Variants in AHCYL2 observed in about 807,000 individuals in gnomAD.
AHCYL2 encodes the protein S-adenosylhomocysteine hydrolase-like protein 2.
Under a neutral mutation model 81.4 loss-of-function variants are expected in AHCYL2, and 28 were observed. The ratio of observed to expected loss-of-function variants is 0.34; its 90% CI spans 0.25 to 0.47. The LOEUF (loss-of-function observed/expected upper bound fraction) is 0.47. Ranked by LOEUF, AHCYL2 falls within the 20% of genes least tolerant of loss-of-function variation. The pLI is 1.00. For missense variants in AHCYL2, 551 were observed against 785.1 expected, an observed-to-expected ratio of 0.70 and a Z score of 3.56; for synonymous variants, 272 against 290.2, an observed-to-expected ratio of 0.94 and a Z score of 0.64.
intron 1 of AHCYL2, among the ~76,000 whole-genome samples, chr7:129,265,376 T>C (rs1300032062): frequency 1.3e-5 from 2 of 152,152 alleles, no homozygotes; most frequent in African/African-American, 4.8e-5. Context: ...TTAGGATGAC[T>C]AGAATCTGAG....
intron 1 of AHCYL2, among the ~76,000 whole-genome samples, chr7:129,236,315 C>T (rs1015169658): frequency 6.6e-6 from 1 of 152,018 alleles, no homozygotes; most frequent in African/African-American, 2.4e-5. Flanking sequence ...ATTCTCTTGC[C>T]TCAGCCTCCC....
intron 1 of AHCYL2, among the ~76,000 whole-genome samples, chr7:129,321,677 T>C (rs967478399): frequency 2.0e-5 from 3 of 151,736 alleles, no homozygotes; most frequent in African/African-American, 7.3e-5. Context: ...CCTTGTAGGA[T>C]GGGTTAGAAA....
chr7:129,338,092 A>G (rs1226183165), intron 1 of AHCYL2, among the ~76,000 whole-genome samples: 1 of 152,030 alleles, frequency 6.6e-6, no homozygotes, highest in East Asian at 1.9e-4. Context: ...TCATTATTTC[A>G]TACATGGGGA....
intron 1 of AHCYL2, among the ~76,000 whole-genome samples, chr7:129,279,742 A>G (rs1284286208): frequency 6.6e-6 from 1 of 152,212 alleles, no homozygotes; most frequent in Non-Finnish European, 1.5e-5. Flanking sequence ...TTGCAGGAAA[A>G]GGGGAGGCAT....
chr7:129,252,597 C>T (rs1388700797), intron 1 of AHCYL2, among the ~76,000 whole-genome samples: 1 of 152,126 alleles, frequency 6.6e-6, no homozygotes, highest in Non-Finnish European at 1.5e-5. Context: ...TGAGACCCTA[C>T]CTTTCCAAAA....
rs1436280037 is a variant in AHCYL2, at chr7:129,419,149, A to G, written c.1462-3691A>G. The stretch of plus-strand genomic sequence containing the variant: ...AAGAGTTGGTCATTTAGAAAGCTGC[A>G]TTTTTTTTCTGAGAAATATGAATGC... On this transcript the variant is annotated intron_variant, in intron 12 of 16. Coordinates refer to ENST00000325006, the MANE Select transcript of AHCYL2 (RefSeq NM_015328.4). This position sits in a 1 kb window ranked among gnomAD's most constrained non-coding sequence, Gnocchi z 4.7. 6.6e-6 allele frequency among the ~76,000 whole-genome samples: 1 copy of G among 152,050 alleles called. No individual in the cohort carries two copies. Among genetic ancestry groups the G allele is most frequent in the Non-Finnish European group, 1.5e-5 (1 of 68,014 alleles).
At chr7:129,242,521 G>T (rs1216708921) in intron 1 of AHCYL2, among the ~76,000 whole-genome samples, 2 of 152,032 alleles carry the variant, frequency 1.3e-5, no homozygotes, top group Non-Finnish European at 2.9e-5. Flanking sequence ...TTTGAGACCA[G>T]TCTGGCCAAT....
intron 5 of AHCYL2, among the ~76,000 whole-genome samples, chr7:129,397,672 T>C (rs145245638): frequency 4.7e-4 from 71 of 152,358 alleles, no homozygotes; most frequent in African/African-American, 1.6e-3. Context: ...GTTTTGTGAC[T>C]CTGTTGGTTT....
chr7:129,331,303 T>TA (rs1383602392), intron 1 of AHCYL2, among the ~76,000 whole-genome samples: 3 of 152,166 alleles, frequency 2.0e-5, no homozygotes, highest in African/African-American at 7.2e-5. Context: ...GAGTTCTACT[T>TA]ATAGGAATTT....
intron 1 of AHCYL2, among the ~76,000 whole-genome samples, chr7:129,233,482 T>G (rs185065460): frequency 1.3e-3 from 197 of 152,072 alleles, no homozygotes; most frequent in African/African-American, 4.7e-3. Flanking sequence ...TGGCCTACTG[T>G]CTCTATTTCT....
chr7:129,311,989 T>C (rs1797673197), intron 1 of AHCYL2, among the ~76,000 whole-genome samples: 1 of 152,206 alleles, frequency 6.6e-6, no homozygotes, highest in Non-Finnish European at 1.5e-5. Flanking sequence ...CTCTTTTTTT[T>C]CTTCTTCTTT....
At position 129,399,273 on chromosome 7, in the gene AHCYL2, C is replaced by A. The variant is rs138159137; in HGVS notation, c.824-1017C>A. 2.1e-3 allele frequency among the ~76,000 whole-genome samples: 316 copies of A among 151,448 alleles called. 1 individual carries two copies. Among genetic ancestry groups the A allele is most frequent in the African/African-American group, 7.3e-3 (302 of 41,264 alleles). On this transcript the variant is annotated intron_variant, in intron 5 of 16. Coordinates refer to ENST00000325006, the MANE Select transcript of AHCYL2 (RefSeq NM_015328.4). The stretch of plus-strand genomic sequence containing the variant: ...ACCAGCCTGGCCAATATGGTGAAAC[C>A]CCGTCTTTACTAAAAGTACAAAAAT...
intron 6 of AHCYL2, among the ~76,000 whole-genome samples, chr7:129,401,695 T>G (rs1796045791): frequency 6.6e-6 from 1 of 152,180 alleles, no homozygotes; most frequent in South Asian, 2.1e-4. Flanking sequence ...GGAGTGTGAC[T>G]GACAGATGCT....
intron 1 of AHCYL2, among the ~76,000 whole-genome samples, chr7:129,355,545 G>A (rs117398849): frequency 0.011 from 1,679 of 152,218 alleles, 17 homozygotes; most frequent in Non-Finnish European, 0.017. Context: ...AGTGTTCATG[G>A]CAACTTTATA....
intron 1 of AHCYL2, among the ~76,000 whole-genome samples, chr7:129,274,897 A>G (rs533232577): frequency 1.3e-5 from 2 of 152,162 alleles, no homozygotes; most frequent in Non-Finnish European, 2.9e-5. Flanking sequence ...CTTATGGCAC[A>G]TGTTAAGACA....
chr7:129,375,892 AC>A, intron 1 of AHCYL2: 1 of 1,536,122 alleles, frequency 6.5e-7, no homozygotes, highest in Non-Finnish European at 8.7e-7. Flanking sequence ...AAGAAGAAAT[AC>A]ATTGTTAATG....
chr7:129,248,484 GTGT>G (rs1795134692), intron 1 of AHCYL2, among the ~76,000 whole-genome samples: 1 of 145,960 alleles, frequency 6.9e-6, no homozygotes, highest in African/African-American at 2.5e-5. Flanking sequence ...TTTTATTGTT[GTGT>G]TGTTACTATT....
At chr7:129,400,048 A>G (rs921244106) in intron 5 of AHCYL2, among the ~76,000 whole-genome samples, 1 of 152,100 alleles carries the variant, frequency 6.6e-6, no homozygotes, top group Non-Finnish European at 1.5e-5. Flanking sequence ...ATTTTAAACA[A>G]CTGTCATACT....
At chr7:129,316,097 G>T (rs1797817199) in intron 1 of AHCYL2, among the ~76,000 whole-genome samples, 1 of 152,152 alleles carries the variant, frequency 6.6e-6, no homozygotes, top group Non-Finnish European at 1.5e-5. Flanking sequence ...GCTATTCTGG[G>T]CAGCTAACAA....
Sources: gnomAD v4.1 joint callset for allele counts (sites outside exome capture counted in the v4.1 genomes callset) on GRCh38, gnomAD v4.1.1 for gene constraint, Gnocchi (gnomAD v3.1) non-coding constraint, MANE v1.5 for transcripts, NCBI Gene and HGNC (gene_info 2026-07-23, HGNC 2026-07-21) for gene names.